Variants in MAP3K6 observed in about 807,000 individuals in gnomAD.
MAP3K6 encodes the protein apoptosis signal-regulating kinase 2.
A neutral mutation model predicts 147.1 loss-of-function variants in MAP3K6; 105 were observed. That is an observed-to-expected ratio of 0.71 (90% CI 0.61 to 0.84). The LOEUF (loss-of-function observed/expected upper bound fraction) is 0.84, where lower values mean the gene tolerates loss of function less well. Among genes scored for constraint, MAP3K6 ranks in the 40% least tolerant of loss-of-function variants. The pLI is 0.00. For synonymous variants in MAP3K6, 695 were observed against 732.4 expected (o/e 0.95, Z 0.82); for missense variants, 1,569 against 1,715.0 (o/e 0.91, Z 1.50).
chr1:27,362,010 G>C (rs2015793552), intron 9 of MAP3K6, 81 bp downstream of exon 9: 1 of 1,538,444 alleles, frequency 6.5e-7, no homozygotes. Flanking sequence ...TTGGCTCAGG[G>C]TTCAGTCTAG....
chr1:27,357,611 C>T (rs2015578750), intron 22 of MAP3K6, 35 bp from the exon 23 acceptor site: 3 of 1,595,708 alleles, frequency 1.9e-6, no homozygotes, highest in Admixed American at 1.7e-5. Flanking sequence ...AGCGAGTGCT[C>T]CAGCCAAAAG....
At chr1:27,356,554 C>A (rs1408593949) in intron 25 of MAP3K6, 36 bp downstream of exon 25, 1 of 1,611,100 alleles carries the variant, frequency 6.2e-7, no homozygotes, top group African/African-American at 1.3e-5. Flanking sequence ...GGGTTGAAGC[C>A]CGGCAGAGGC....
chr1:27,356,951 C>T, intron 24 of MAP3K6, 58 bp downstream of exon 24: 1 of 1,558,362 alleles, frequency 6.4e-7, no homozygotes, highest in Non-Finnish European at 8.8e-7. Context: ...CGATGTTCAC[C>T]GCGCCCAGCA....
rs1263401563 is a variant in MAP3K6, at chr1:27,358,689, C to T, written c.2583+20G>A. ...CTGGCCCTATGCCACTTCCATGGGC[C>T]AGGCCCAAAGAGGTCTCACCTGAAA... On this transcript the variant is annotated intron_variant, in intron 19 of 28. Transcript: ENST00000357582. The surrounding 1 kb of genome is among the most constrained non-coding windows in gnomAD (Gnocchi z 6.2). 1.2e-6 allele frequency: 2 copies of T among 1,613,498 alleles called. No homozygotes were observed. Among genetic ancestry groups the T allele is most frequent in the African/African-American group, 1.3e-5 (1 of 74,906 alleles).
rs757864814 is a variant in MAP3K6, at chr1:27,358,258, C to T, written c.2838G>A (p.Pro946=). 1.0e-5 allele frequency: 16 copies of T among 1,601,116 alleles called. No homozygotes were observed. The highest frequency in any genetic ancestry group is 5.5e-5 in the Admixed American group (3 of 54,858). The change falls in exon 21 of 29, where the codon CCG becomes CCA. Residue 946 remains proline (P), a synonymous_variant. Coordinates refer to ENST00000357582, the MANE Select transcript of MAP3K6 (RefSeq NM_004672.5). This position sits in a 1 kb window ranked among gnomAD's most constrained non-coding sequence, Gnocchi z 6.2. ...ANSTTQSQTF[P]CPQAPSQHPP... is the part of the protein sequence containing the mutation. ...GGTGCTGAGAGGGTGCCTGAGGGCA[C>T]GGGAATGTCTGAGACTGGGTGGTTG...
In MAP3K6 at chr1:27,364,591, G is replaced by A. The variant is rs988562097; in HGVS notation, c.504+70C>T. The A allele has an allele frequency of 2.5e-6, 4 of 1,606,984 alleles. No homozygotes were observed. Among genetic ancestry groups the A allele is most frequent in the South Asian group, 1.1e-5 (1 of 90,900 alleles). Reference sequence around the variant, plus strand: ...GTTAGGTGACTGAGGAGGCCAGGGGGATTAGTGGAGGTCAGAGGTCATAGC... The same window carrying A: ...GTTAGGTGACTGAGGAGGCCAGGGGAATTAGTGGAGGTCAGAGGTCATAGC... On this transcript the variant is annotated intron_variant, in intron 3 of 28. Transcript: ENST00000357582. This position sits in a 1 kb window ranked among gnomAD's most constrained non-coding sequence, Gnocchi z 4.4.
Position 27,360,875 on chromosome 1 carries a change from C to T in MAP3K6, c.1921-37G>A, listed in dbSNP as rs35733093. On this transcript the variant is annotated intron_variant, in intron 14 of 28. Coordinates refer to ENST00000357582, the MANE Select transcript of MAP3K6 (RefSeq NM_004672.5). The surrounding 1 kb of genome is among the most constrained non-coding windows in gnomAD (Gnocchi z 4.5). ...GGGGTGAGATGGGAGTTCAGCAGGGCCCGCGGCCCCTCGCCCTCCGCGAGC... is the reference window on the plus strand; with the variant it reads ...GGGGTGAGATGGGAGTTCAGCAGGGTCCGCGGCCCCTCGCCCTCCGCGAGC... 6.2e-7 allele frequency: 1 copy of T among 1,610,120 alleles called. No homozygotes were observed. Among genetic ancestry groups the T allele is most frequent in the Non-Finnish European group, 8.5e-7 (1 of 1,178,446 alleles).
Position 27,366,489 on chromosome 1 carries a change from G to A in MAP3K6, c.109C>T (p.Arg37Trp). ...AGCGGCCGGCTCCGCGCGCAGCCCC[G>A]GCCCGGGGGCGCCGCGAGCTGCCGG... ...RGRQLAAPPGRGCARSRPLSV... is the reference protein window; with the variant it reads ...RGRQLAAPPGWGCARSRPLSV... Residue 37 changes from arginine (R) to tryptophan (W), a missense_variant, in exon 1 of 29, where the codon CGG (arginine) becomes TGG (tryptophan). Physicochemically the swap from Arg to Trp is moderately radical, Grantham distance 101 (BLOSUM62 -3). Transcript: ENST00000357582. This position sits in a 1 kb window ranked among gnomAD's most constrained non-coding sequence, Gnocchi z 5.5. 2 of 1,136,918 alleles carry A rather than the reference G, an allele frequency of 1.8e-6. No homozygotes were observed. The highest frequency in any genetic ancestry group is 4.5e-5 in the East Asian group (1 of 22,278). 70.4% of individuals were successfully genotyped at this position (1,136,918 alleles called of 1,614,324 possible). A position where few individuals can be genotyped will look rare whatever the true frequency, so the allele number is the denominator to read the frequency against.
intron 6 of MAP3K6, 144 bp from the exon 7 acceptor site, chr1:27,363,165 C>G (rs897536954): frequency 5.3e-6 from 4 of 748,396 alleles, no homozygotes; most frequent in Non-Finnish European, 8.7e-6. Flanking sequence ...CAGCACTGAC[C>G]TCTCTAGTGA....
At position 27,359,806 on chromosome 1, in the gene MAP3K6, T is replaced by C. The variant is rs59106326; in HGVS notation, c.2319+52A>G. On this transcript the variant is annotated intron_variant, in intron 17 of 28. Transcript: ENST00000357582. The surrounding 1 kb of genome is among the most constrained non-coding windows in gnomAD (Gnocchi z 4.4). ...TGCCAGCCTGCGTCTGGGACCATGT[T>C]TCCTTCCCCGCCACCCTCAGCAGAT... is the stretch of plus-strand genomic sequence containing the variant. 3,772 of 1,608,078 alleles carry C rather than the reference T, an allele frequency of 2.3e-3. 79 individuals carry two copies. The African/African-American group carries it at 0.043, about 18-fold the overall frequency.
At position 27,366,250 on chromosome 1, in the gene MAP3K6, G is replaced by A; in HGVS notation, c.340+8C>T. On this transcript the variant is annotated splice_region_variant and intron_variant, in intron 1 of 28. Coordinates refer to ENST00000357582, the MANE Select transcript of MAP3K6 (RefSeq NM_004672.5). This position sits in a 1 kb window ranked among gnomAD's most constrained non-coding sequence, Gnocchi z 5.5. ...GCCCGGATCCGGCCCCGCCCCCAGCGCTCTCACCCGCGTTGTAGAAGGCAT... is the reference window on the plus strand; with the variant it reads ...GCCCGGATCCGGCCCCGCCCCCAGCACTCTCACCCGCGTTGTAGAAGGCAT... 1 of 1,314,480 alleles carries A rather than the reference G, an allele frequency of 7.6e-7. No homozygotes were observed. The allele number at this position is 1,314,480 out of a possible 1,614,324, so 81.4% of individuals were successfully genotyped here. A position where few individuals can be genotyped will look rare whatever the true frequency, so the allele number is the denominator to read the frequency against.
Position 27,357,719 on chromosome 1 carries a change from G to C in MAP3K6, c.3073C>G (p.Gln1025Glu), listed in dbSNP as rs777732673. 1.2e-5 allele frequency: 19 copies of C among 1,611,054 alleles called. 1 individual carries two copies. The highest frequency in any genetic ancestry group is 2.2e-5 in the South Asian group (2 of 91,018). Residue 1025 changes from glutamine (Q) to glutamate (E), a missense_variant, in exon 22 of 29, where the codon CAA becomes GAA. Gln to Glu is a conservative substitution (Grantham distance 29). Transcript: ENST00000357582. The part of the protein sequence containing the change: ...LAENLHQEQK[Q>E]EQGARLGRNH... ...TAGAGTGGGCCGCCCACCTGCTCTT[G>C]CTTCTGCTCCTGGTGCAGATTCTCC...
rs2015556497 is a variant in MAP3K6, at chr1:27,357,111, T to C, written c.3262A>G (p.Lys1088Glu). Reference sequence around the variant, plus strand: ...ATCTGGCGCTTGCGGAGGATCTGCTTCACCTGCAGGGGGAGGGAGGCGCCG... The same window carrying C: ...ATCTGGCGCTTGCGGAGGATCTGCTCCACCTGCAGGGGGAGGGAGGCGCCG... The part of the protein sequence containing the change: ...RPLFAFPDAV[K>E]QILRKRQIRP... The change falls in exon 24 of 29, where the codon AAG becomes GAG. Residue 1088 changes from lysine (K) to glutamate (E), a missense_variant. Transcript: ENST00000357582. 1.2e-6 allele frequency: 2 copies of C among 1,613,264 alleles called. No homozygotes were observed. Among genetic ancestry groups the C allele is most frequent in the African/African-American group, 2.7e-5 (2 of 74,920 alleles).
chr1:27,355,724 G>A lies in MAP3K6; in HGVS notation c.3733C>T (p.Leu1245Phe). The A allele has an allele frequency of 3.1e-6, 5 of 1,614,056 alleles. No individual in the cohort carries two copies. Among genetic ancestry groups the A allele is most frequent in the East Asian group, 2.2e-5 (1 of 44,888 alleles). ...IQMLLNHSFT[L>F]HTLLTYATRD... ...GTGGCATAGGTGAGCAGAGTGTGGA[G>A]GGTGAAGCTATGGTTCAACAGCTGG... Residue 1245 changes from leucine (L) to phenylalanine (F), a missense_variant, in exon 28 of 29, where the codon CTC becomes TTC. Coordinates refer to ENST00000357582, the MANE Select transcript of MAP3K6 (RefSeq NM_004672.5).
chr1:27,364,537 C>G lies in MAP3K6; in HGVS notation c.504+124G>C. On this transcript the variant is annotated intron_variant, in intron 3 of 28. Coordinates refer to ENST00000357582, the MANE Select transcript of MAP3K6 (RefSeq NM_004672.5). This position sits in a 1 kb window ranked among gnomAD's most constrained non-coding sequence, Gnocchi z 4.4. ...CGTCATGAGAGGAGGCAACAGGAAACAGAGGAATACTTGGGATGTCAGTGG... is the reference window on the plus strand; with the variant it reads ...CGTCATGAGAGGAGGCAACAGGAAAGAGAGGAATACTTGGGATGTCAGTGG... 1 of 1,551,632 alleles carries G rather than the reference C, an allele frequency of 6.4e-7. No homozygotes were observed. The highest frequency in any genetic ancestry group is 8.9e-7 in the Non-Finnish European group (1 of 1,124,202).
At position 27,359,873 on chromosome 1, in the gene MAP3K6, C is replaced by T; in HGVS notation, c.2304G>A (p.Val768=). 1.2e-6 allele frequency: 2 copies of T among 1,614,180 alleles called. No homozygotes were observed. The highest frequency in any genetic ancestry group is 1.7e-6 in the Non-Finnish European group (2 of 1,180,016). The change falls in exon 17 of 29, where the codon GTG becomes GTA. Residue 768 remains valine, a synonymous_variant. Coordinates refer to ENST00000357582, the MANE Select transcript of MAP3K6 (RefSeq NM_004672.5). The surrounding 1 kb of genome is among the most constrained non-coding windows in gnomAD (Gnocchi z 4.4). Reference sequence around the variant, plus strand: ...CAGGGCTTACTTTTATGTCCCTGTGCACGATGTGGTTGTCGTGCAAGTAGC... The same window carrying T: ...CAGGGCTTACTTTTATGTCCCTGTGTACGATGTGGTTGTCGTGCAAGTAGC... ...GLGYLHDNHI[V]HRDIKGDNVL...
In MAP3K6 at chr1:27,360,933, C is replaced by T. The variant is rs1380077773; in HGVS notation, c.1908G>A (p.Gly636=). The T allele has an allele frequency of 1.2e-6, 2 of 1,608,384 alleles. No individual in the cohort carries two copies. The highest frequency in any genetic ancestry group is 2.2e-5 in the South Asian group (2 of 90,630). Residue 636 remains glycine, a synonymous_variant, in exon 14 of 29, where the codon GGG becomes GGA. Transcript: ENST00000357582. This position sits in a 1 kb window ranked among gnomAD's most constrained non-coding sequence, Gnocchi z 4.5. The part of the protein sequence containing the change: ...TAPAEEAEGA[G]EMLEFDYEYT... ...CCCGCGTCCTCACCTCCAACATCTC[C>T]CCCGCGCCCTCCGCCTCCTCCGCGG... is the stretch of plus-strand genomic sequence containing the variant.
chr1:27,361,609 T>C lies in MAP3K6; in HGVS notation c.1597A>G (p.Asn533Asp). The C allele has an allele frequency of 6.2e-7, 1 of 1,614,152 alleles. No homozygotes were observed. Among genetic ancestry groups the C allele is most frequent in the Non-Finnish European group, 8.5e-7 (1 of 1,180,028 alleles). The stretch of plus-strand genomic sequence containing the variant: ...AGCTTTGCAGGCAGCAGCACCTTGT[T>C]CATCTCCAGGACCAGCACCTGCAGG... ...DQCLVLVLEMNKVLLPAKLEV... is the reference protein window; with the variant it reads ...DQCLVLVLEMDKVLLPAKLEV... The change falls in exon 11 of 29, where the codon AAC becomes GAC. Residue 533 changes from asparagine (N) to aspartate (D), a missense_variant. By Grantham distance (23) the Asn-to-Asp change is conservative. Transcript: ENST00000357582.
chr1:27,366,654 C>T lies in MAP3K6; in HGVS notation c.-57G>A. The T allele has an allele frequency of 9.5e-7, 1 of 1,050,000 alleles. No homozygotes were observed. Among genetic ancestry groups the T allele is most frequent in the Non-Finnish European group, 1.1e-6 (1 of 871,116 alleles). The allele number at this position is 1,050,000 out of a possible 1,614,324, so 65.0% of individuals were successfully genotyped here. On this transcript the variant is annotated 5_prime_UTR_variant, in exon 1 of 29. Coordinates refer to ENST00000357582, the MANE Select transcript of MAP3K6 (RefSeq NM_004672.5). The surrounding 1 kb of genome is among the most constrained non-coding windows in gnomAD (Gnocchi z 5.5). ...CTGGGAACCGGGGGCGGGGCAGGAG[C>T]CTGGGCCGGCAGATCAGGAATCTTG...
Sources: gnomAD v4.1 joint callset for allele counts on GRCh38, gnomAD v4.1.1 for gene constraint, Gnocchi (gnomAD v3.1) non-coding constraint, MANE v1.5 for transcripts, NCBI Gene and HGNC (gene_info 2026-07-23, HGNC 2026-07-21) for gene names.